The following SVIL variants were observed in gnomAD, a reference collection of about 807,000 sequenced individuals.
SVIL encodes supervillin.
Under a neutral mutation model 240.4 loss-of-function variants are expected in SVIL, and 101 were observed. That is an observed-to-expected ratio of 0.42 (90% CI 0.36 to 0.50). The LOEUF (loss-of-function observed/expected upper bound fraction) is 0.50. SVIL is among the 20% of genes least tolerant of loss of function. The probability of loss-of-function intolerance (pLI) is 0.01; values close to 1 mark genes in which losing one functional copy is unlikely to be tolerated. For synonymous variants in SVIL, 999 were observed against 1,100.0 expected, an observed-to-expected ratio of 0.91 and a Z score of 1.82; for missense variants, 2,512 against 2,818.7, an observed-to-expected ratio of 0.89 and a Z score of 2.46.
At chr10:29,643,467 G>A (rs1321260873) in intron 3 of SVIL, among the ~76,000 whole-genome samples, 1 of 152,170 alleles carries the variant, frequency 6.6e-6, no homozygotes, top group Non-Finnish European at 1.5e-5. Context: ...TATGGGAGAA[G>A]ACAGAGACAT....
chr10:29,634,249 T>C (rs1958223106), intron 1 of SVIL, among the ~76,000 whole-genome samples, 171 bp downstream of exon 1: 1 of 151,610 alleles, frequency 6.6e-6, no homozygotes, highest in Admixed American at 6.6e-5. Context: ...CAAGGGTATC[T>C]ACAGGAATGG....
chr10:29,528,431 TAAC>T (rs905992451), intron 12 of SVIL, among the ~76,000 whole-genome samples: 1 of 151,940 alleles, frequency 6.6e-6, no homozygotes, highest in Admixed American at 6.6e-5. Flanking sequence ...CAAAACCAAT[TAAC>T]AACATCAACA....
At chr10:29,612,389 C>T (rs1169984179) in intron 1 of SVIL, among the ~76,000 whole-genome samples, 4 of 152,110 alleles carry the variant, frequency 2.6e-5, no homozygotes, top group African/African-American at 9.7e-5. Flanking sequence ...AATGACTGAC[C>T]ATTCTTTACA....
chr10:29,513,673 C>T (rs758160796), intron 16 of SVIL, among the ~76,000 whole-genome samples: 6 of 152,186 alleles, frequency 3.9e-5, no homozygotes, highest in Non-Finnish European at 7.4e-5. Context: ...TCTTTTCCTA[C>T]AAATGAATTT....
chr10:29,479,919 A>G lies in SVIL; in HGVS notation c.5377+618T>C, dbSNP rs185254782. On this transcript the variant is annotated intron_variant, in intron 29 of 37. Coordinates refer to ENST00000355867, the MANE Select transcript of SVIL (RefSeq NM_021738.3). ...GAAAGGGATGATTTCTCCAGAGTTC[A>G]CCGGACTCCCCCTTTCCCCAGCACC... Among the ~76,000 whole-genome samples the G allele has an allele frequency of 9.9e-5, 15 of 152,280 alleles. No individual in the cohort carries two copies. In the East Asian group the frequency reaches 2.9e-3, roughly 29 times the overall value.
intron 1 of SVIL, among the ~76,000 whole-genome samples, chr10:29,607,969 G>A (rs1365094726): frequency 3.3e-5 from 5 of 152,332 alleles, no homozygotes; most frequent in East Asian, 1.9e-4. Flanking sequence ...CGAATAATTT[G>A]TTATGAGATT....
Position 29,463,572 on chromosome 10 carries a change from T to A in SVIL, c.6197A>T (p.Asn2066Ile). The A allele has an allele frequency of 6.2e-7, 1 of 1,614,178 alleles. No homozygotes were observed. Among genetic ancestry groups the A allele is most frequent in the Non-Finnish European group, 8.5e-7 (1 of 1,180,024 alleles). ...YLWQGWWPIE[N>I]KITGSARIRW... is the part of the protein sequence containing the mutation. ...GATGCGGGCGGAACCAGTGATCTTG[T>A]TCTCGATGGGCCACCAGCCTTGCCA... Residue 2066 changes from asparagine (N) to isoleucine (I), a missense_variant, in exon 35 of 38, where the codon AAC becomes ATC. This residue lies in a region of SVIL where 797 missense variants were observed against 925.3 expected (regional missense o/e 0.86). Coordinates refer to ENST00000355867, the MANE Select transcript of SVIL (RefSeq NM_021738.3).
intron 1 of SVIL, among the ~76,000 whole-genome samples, chr10:29,574,219 A>C (rs1356084256): frequency 6.6e-6 from 1 of 152,208 alleles, no homozygotes; most frequent in Non-Finnish European, 1.5e-5. Context: ...AGAGAAGTAA[A>C]AGCAAATACT....
rs1167959558 is a variant in SVIL, at chr10:29,512,746, G to T, written c.3505C>A (p.Leu1169Ile). Residue 1169 changes from leucine (L) to isoleucine (I), a missense_variant, in exon 17 of 38, where the codon CTC becomes ATC. Around this residue, in one of 3 missense-constraint regions of SVIL, gnomAD observed 1,443 missense variants for 1,486.6 expected, o/e 0.97. Coordinates refer to ENST00000355867, the MANE Select transcript of SVIL (RefSeq NM_021738.3). ...SLHTQEAGRS[L>I]IKKRVTESRE... Reference sequence around the variant, plus strand: ...ATGGGGAATGTTACCTTCTTGATGAGGGACCGCCCTGCTTCCTGGGTGTGC... The same window carrying T: ...ATGGGGAATGTTACCTTCTTGATGATGGACCGCCCTGCTTCCTGGGTGTGC... 3 of 1,613,998 alleles carry T rather than the reference G, an allele frequency of 1.9e-6. No individual in the cohort carries two copies. Among genetic ancestry groups the T allele is most frequent in the Non-Finnish European group, 2.5e-6 (3 of 1,180,058 alleles).
intron 1 of SVIL, among the ~76,000 whole-genome samples, chr10:29,727,023 G>A (rs1964331980): frequency 4.6e-5 from 7 of 152,108 alleles, no homozygotes; most frequent in Admixed American, 3.9e-4. Context: ...ACACATCCAC[G>A]TGCACAAGCA....
chr10:29,633,236 CAAAAAA>C (rs5784146), intron 1 of SVIL, among the ~76,000 whole-genome samples: 1 of 71,070 alleles, frequency 1.4e-5, no homozygotes. Flanking sequence ...GACTCCATCT[CAAAAAA>C]AAAAAAAAAA....
chr10:29,634,684 A>G lies in SVIL; in HGVS notation c.-465T>C, dbSNP rs1169403575. Reference sequence around the variant, plus strand: ...ACGATGTCAGCAAGCAACTGCATCTATCAGAAGCGATGATGATTCAGAACA... The same window carrying G: ...ACGATGTCAGCAAGCAACTGCATCTGTCAGAAGCGATGATGATTCAGAACA... On this transcript the variant is annotated 5_prime_UTR_variant, in exon 1 of 38. Coordinates refer to ENST00000355867, the MANE Select transcript of SVIL (RefSeq NM_021738.3). The G allele has an allele frequency of 1.3e-5, 2 of 152,244 alleles. No homozygotes were observed. The highest frequency in any genetic ancestry group is 2.1e-4 in the South Asian group (1 of 4,838). The allele number at this position is 152,244 out of a possible 1,614,324, so 9.4% of individuals were successfully genotyped here.
intron 1 of SVIL, among the ~76,000 whole-genome samples, chr10:29,599,623 G>A (rs1956737635): frequency 6.6e-6 from 1 of 152,070 alleles, no homozygotes; most frequent in African/African-American, 2.4e-5. Context: ...CGCCATGTTA[G>A]CCAGGCTGGT....
chr10:29,646,267 C>T (rs1958654632), intron 3 of SVIL, among the ~76,000 whole-genome samples: 1 of 152,184 alleles, frequency 6.6e-6, no homozygotes, highest in African/African-American at 2.4e-5. Context: ...GCAGGCTGTT[C>T]CACATGCCTG....
intron 2 of SVIL, among the ~76,000 whole-genome samples, chr10:29,661,247 C>T (rs1181692381): frequency 2.0e-5 from 3 of 151,814 alleles, no homozygotes; most frequent in South Asian, 2.1e-4. Context: ...GGGAAAACCT[C>T]AGTCACTAGA....
upstream of SVIL, among the ~76,000 whole-genome samples, chr10:29,736,018 G>C (rs923652382): frequency 6.6e-6 from 1 of 152,178 alleles, no homozygotes; most frequent in Admixed American, 6.5e-5. Flanking sequence ...CAAGGATCGG[G>C]CGGAGAGGGT....
chr10:29,465,533 A>C, intron 34 of SVIL, 62 bp downstream of exon 34: 1 of 1,537,100 alleles, frequency 6.5e-7, no homozygotes, highest in East Asian at 2.3e-5. Context: ...ACGTAAAATC[A>C]AAAGGCTTTC....
Position 29,529,848 on chromosome 10 carries a change from A to G in SVIL, c.2107-4T>C. The G allele has an allele frequency of 1.2e-6, 2 of 1,606,786 alleles. No individual in the cohort carries two copies. Among genetic ancestry groups the G allele is most frequent in the Non-Finnish European group, 1.7e-6 (2 of 1,177,208 alleles). Reference sequence around the variant, plus strand: ...CATCAAAAGATTTTTCCATCTCCTAAGATTAGAAGTATTGTGGAACCCTTA... The same window carrying G: ...CATCAAAAGATTTTTCCATCTCCTAGGATTAGAAGTATTGTGGAACCCTTA... On this transcript the variant is annotated splice_region_variant and splice_polypyrimidine_tract_variant and intron_variant, in intron 11 of 37. Transcript: ENST00000355867.
intron 36 of SVIL, among the ~76,000 whole-genome samples, chr10:29,460,142 G>A (rs895474400): frequency 4.6e-5 from 7 of 152,108 alleles, no homozygotes; most frequent in Non-Finnish European, 1.0e-4. Flanking sequence ...TCTGAGTACT[G>A]ACTCCTCCAC....
Sources: allele counts gnomAD v4.1 joint callset (sites outside exome capture counted in the v4.1 genomes callset), GRCh38; gene constraint gnomAD v4.1.1; regional missense constraint gnomAD v4.1.1; transcripts MANE v1.5; gene names NCBI Gene and HGNC (gene_info 2026-07-23, HGNC 2026-07-21).